Variants in WNT9A observed in about 807,000 individuals in gnomAD.
WNT9A encodes Wnt family member 9A.
In WNT9A, 8 loss-of-function variants were observed where a neutral mutation model predicts 31.4. That is an observed-to-expected ratio of 0.26 (90% confidence interval 0.15 to 0.46). The LOEUF is 0.46. Ranked by LOEUF, WNT9A falls within the 20% of genes least tolerant of loss-of-function variation. WNT9A has a pLI of 0.99. For synonymous variants in WNT9A, 236 were observed against 220.1 expected (o/e 1.07, Z -0.64); for missense variants, 457 against 522.9 (o/e 0.87, Z 1.23).
In WNT9A at chr1:227,924,272, C is replaced by G. The variant is rs1666377601; in HGVS notation, c.481G>C (p.Glu161Gln). 6.2e-7 allele frequency: 1 copy of G among 1,613,788 alleles called. No individual in the cohort carries two copies. Residue 161 changes from glutamate (E) to glutamine (Q), a missense_variant, in exon 3 of 4, where the codon GAG becomes CAG. Glu to Gln is a conservative substitution (Grantham distance 29). Transcript: ENST00000272164. ...CDEAPDLENR[E>Q]AWQWGGCGDN... ...CCGCAGCCCCCCCACTGCCAGGCCT[C>G]ACGGTTCTCCAGGTCGGGTGCCTCA...
chr1:227,940,181 C>T (rs918545654), intron 1 of WNT9A, among the ~76,000 whole-genome samples: 17 of 152,082 alleles, frequency 1.1e-4, no homozygotes, highest in Admixed American at 7.2e-4. Flanking sequence ...GAGGCCAGCC[C>T]AGCTCCCCCA....
chr1:227,936,704 C>T (rs1666601639), intron 1 of WNT9A, among the ~76,000 whole-genome samples: 1 of 151,836 alleles, frequency 6.6e-6, no homozygotes, highest in South Asian at 2.1e-4. Flanking sequence ...TGGCTCACTG[C>T]AGCCTCCAGC....
chr1:227,925,508 C>T lies in WNT9A; in HGVS notation c.107G>A (p.Ser36Asn). The change falls in exon 2 of 4, where the codon AGC (serine) becomes AAC (asparagine). Residue 36 changes from serine (S) to asparagine (N), a missense_variant. Ser to Asn is a conservative substitution (Grantham distance 46). Transcript: ENST00000272164. This position sits in a 1 kb window ranked among gnomAD's most constrained non-coding sequence, Gnocchi z 6.0. The part of the protein sequence containing the change: ...PSAAYFGLTG[S>N]EPLTILPLTL... ...CAGCGGGAGGATGGTCAGGGGCTCG[C>T]TGCCCGTCAGCCTGGGCACAGAGAG... 6.5e-7 allele frequency: 1 copy of T among 1,547,992 alleles called. No individual in the cohort carries two copies.
In WNT9A at chr1:227,925,665, G is replaced by A; in HGVS notation, c.96-146C>T. 2.3e-6 allele frequency: 3 copies of A among 1,320,188 alleles called. No individual in the cohort carries two copies. The highest frequency in any genetic ancestry group is 1.6e-5 in the South Asian group (1 of 63,656). The allele number at this position is 1,320,188 out of a possible 1,614,324, so 81.8% of individuals were successfully genotyped here. ...AGAATCCAGGATGAGCCAGGCAGGGGAGAGGGAGGCGAGAAGGGCCTTGGC... is the reference window on the plus strand; with the variant it reads ...AGAATCCAGGATGAGCCAGGCAGGGAAGAGGGAGGCGAGAAGGGCCTTGGC... On this transcript the variant is annotated intron_variant, in intron 1 of 3. Coordinates refer to ENST00000272164, the MANE Select transcript of WNT9A (RefSeq NM_003395.4). This position sits in a 1 kb window ranked among gnomAD's most constrained non-coding sequence, Gnocchi z 6.0.
Position 227,920,508 on chromosome 1 carries a change from T to C in WNT9A, c.*1010A>G, listed in dbSNP as rs1666293031. On this transcript the variant is annotated 3_prime_UTR_variant, in exon 4 of 4. Transcript: ENST00000272164. ...CACTGATATTTACTCCAAAGAGAAG[T>C]GCTCAACGTCAGAGGTCGGCAGTGT... The C allele has an allele frequency of 6.6e-6, 1 of 152,088 alleles. No individual in the cohort carries two copies. The highest frequency in any genetic ancestry group is 1.5e-5 in the Non-Finnish European group (1 of 68,012). 9.4% of individuals were successfully genotyped at this position (152,088 alleles called of 1,614,324 possible).
chr1:227,937,086 C>A (rs79714523), intron 1 of WNT9A, among the ~76,000 whole-genome samples: 4,520 of 152,290 alleles, frequency 0.03, 232 homozygotes, highest in African/African-American at 0.1. Context: ...TTCCCTTCAG[C>A]TGTTTCTAAT....
At chr1:227,944,352 A>T (rs945529365) in intron 1 of WNT9A, among the ~76,000 whole-genome samples, 6 of 152,360 alleles carry the variant, frequency 3.9e-5, no homozygotes, top group African/African-American at 1.4e-4. Context: ...AGTGGTTGCC[A>T]GGGACTGGGG....
At chr1:227,937,328 C>T (rs934286825) in intron 1 of WNT9A, among the ~76,000 whole-genome samples, 20 of 152,050 alleles carry the variant, frequency 1.3e-4, no homozygotes, top group Admixed American at 9.8e-4. Flanking sequence ...GCCTGGTTAG[C>T]TCTGACCCCG....
intron 1 of WNT9A, among the ~76,000 whole-genome samples, chr1:227,931,649 C>T (rs1165455019): frequency 1.3e-5 from 2 of 152,170 alleles, no homozygotes; most frequent in East Asian, 1.9e-4. Flanking sequence ...TTTCCCAGTG[C>T]TTCTACAAGG....
chr1:227,937,376 A>C (rs1666613728), intron 1 of WNT9A, among the ~76,000 whole-genome samples: 1 of 152,262 alleles, frequency 6.6e-6, no homozygotes, highest in South Asian at 2.1e-4. Context: ...TGGCAGAAAC[A>C]AGTTGAAGGA....
chr1:227,947,416 G>C (rs898336772), intron 1 of WNT9A, among the ~76,000 whole-genome samples: 2 of 152,216 alleles, frequency 1.3e-5, no homozygotes, highest in African/African-American at 4.8e-5. Flanking sequence ...GAAGCTGCTA[G>C]GTGGGCGATG....
At chr1:227,944,284 G>C (rs566102177) in intron 1 of WNT9A, among the ~76,000 whole-genome samples, 1 of 152,332 alleles carries the variant, frequency 6.6e-6, no homozygotes, top group African/African-American at 2.4e-5. Context: ...CACGGCATAG[G>C]ATTCCATTTC....
rs368044740 is a variant in WNT9A at position 227,921,508 on chromosome 1, G to A, written c.*10C>T. 12 of 1,600,646 alleles carry A rather than the reference G, an allele frequency of 7.5e-6. No individual in the cohort carries two copies. Among genetic ancestry groups the A allele is most frequent in the Non-Finnish European group, 1.0e-5 (12 of 1,171,692 alleles). On this transcript the variant is annotated 3_prime_UTR_variant, in exon 4 of 4. Transcript: ENST00000272164. ...CACCCTGTGCAGCAGGGCTGGCAGG[G>A]CCTGGGAACTCAGCCCTTGCAGGTG... is the stretch of plus-strand genomic sequence containing the variant.
At chr1:227,923,644 C>T (rs551928298) in intron 3 of WNT9A, among the ~76,000 whole-genome samples, 243 of 152,228 alleles carry the variant, frequency 1.6e-3, no homozygotes, top group African/African-American at 4.8e-3. Flanking sequence ...AAGAGACTCC[C>T]CTGACTTGGG....
Position 227,928,712 on chromosome 1 carries a change from C to A in WNT9A, c.96-3193G>T, listed in dbSNP as rs556347441. Reference sequence around the variant, plus strand: ...GCAGAGGGGGCCCAGACCCTCCTGACAGGCAGGGCTTCCAGGTGGGGCTCT... The same window carrying A: ...GCAGAGGGGGCCCAGACCCTCCTGAAAGGCAGGGCTTCCAGGTGGGGCTCT... On this transcript the variant is annotated intron_variant, in intron 1 of 3. Coordinates refer to ENST00000272164, the MANE Select transcript of WNT9A (RefSeq NM_003395.4). This position sits in a 1 kb window ranked among gnomAD's most constrained non-coding sequence, Gnocchi z 4.5. 6.6e-6 allele frequency among the ~76,000 whole-genome samples: 1 copy of A among 152,186 alleles called. No individual in the cohort carries two copies. Among genetic ancestry groups the A allele is most frequent in the East Asian group, 1.9e-4 (1 of 5,176 alleles).
chr1:227,936,094 C>T (rs1025372927), intron 1 of WNT9A, among the ~76,000 whole-genome samples: 2 of 152,242 alleles, frequency 1.3e-5, no homozygotes, highest in Admixed American at 6.5e-5. Flanking sequence ...CTGAGGTCGG[C>T]ACCAGCTTGT....
At chr1:227,931,875 A>G (rs1027315111) in intron 1 of WNT9A, among the ~76,000 whole-genome samples, 15 of 134,650 alleles carry the variant, frequency 1.1e-4, no homozygotes, top group Non-Finnish European at 1.7e-4. Flanking sequence ...TGGCTGTGGA[A>G]ATGTCTTTTT....
Position 227,925,368 on chromosome 1 carries a change from C to A in WNT9A, c.247G>T (p.Val83Leu), listed in dbSNP as rs1666401610. 2 of 1,611,530 alleles carry A rather than the reference C, an allele frequency of 1.2e-6. No individual in the cohort carries two copies. The highest frequency in any genetic ancestry group is 1.7e-6 in the Non-Finnish European group (2 of 1,179,594). ...RRDPGVAETL[V>L]EAVSMSALEC... ...AGCGCACTCATGCTCACGGCCTCCA[C>A]CAGCGTCTCTGCCACGCCCGGGTCC... Residue 83 changes from valine (V) to leucine (L), a missense_variant, in exon 2 of 4, where the codon GTG (valine) becomes TTG (leucine). Coordinates refer to ENST00000272164, the MANE Select transcript of WNT9A (RefSeq NM_003395.4). The surrounding 1 kb of genome is among the most constrained non-coding windows in gnomAD (Gnocchi z 6.0).
In WNT9A at chr1:227,928,339, TG is replaced by T. The variant is rs1219573226; in HGVS notation, c.96-2821del. ...GACCCTGATCCAAGGCCAGGCAGGGTGGGCAGGGTGGGCCGTTGGCACTGTC... is the reference window on the plus strand; with the variant it reads ...GACCCTGATCCAAGGCCAGGCAGGGTGGCAGGGTGGGCCGTTGGCACTGTC... On this transcript the variant is annotated intron_variant, in intron 1 of 3. Transcript: ENST00000272164. The surrounding 1 kb of genome is among the most constrained non-coding windows in gnomAD (Gnocchi z 4.5). 1.5e-5 allele frequency among the ~76,000 whole-genome samples: 1 copy of T among 64,674 alleles called. No individual in the cohort carries two copies. The highest frequency in any genetic ancestry group is 3.2e-5 in the Non-Finnish European group (1 of 30,822). The allele number at this position is 64,674 out of a possible 152,430, so 42.4% of individuals were successfully genotyped here.
Sources: allele counts gnomAD v4.1 joint callset (sites outside exome capture counted in the v4.1 genomes callset), GRCh38; gene constraint gnomAD v4.1.1; non-coding constraint Gnocchi (gnomAD v3.1); transcripts MANE v1.5; gene names NCBI Gene and HGNC (gene_info 2026-07-23, HGNC 2026-07-21).